The following PARD6G variants were observed in gnomAD, a reference collection of about 807,000 sequenced individuals.
PARD6G encodes the protein partitioning defective 6 homolog gamma.
Under a neutral mutation model 10.7 loss-of-function variants are expected in PARD6G, and 7 were observed. The ratio of observed to expected loss-of-function variants is 0.66; its 90% CI spans 0.37 to 1.23. The LOEUF is 1.23. Among genes scored for constraint, PARD6G ranks in the 50% most tolerant of loss-of-function variants. The pLI is 0.02. For missense variants in PARD6G, 548 were observed against 571.8 expected (o/e 0.96, Z 0.42); for synonymous variants, 287 against 269.4 (o/e 1.07, Z -0.64).
intron 1 of PARD6G, among the ~76,000 whole-genome samples, chr18:80,213,930 G>C (rs1001832329): frequency 1.6e-5 from 2 of 128,484 alleles, no homozygotes; most frequent in Non-Finnish European, 3.1e-5. Flanking sequence ...TGCACTCCAA[G>C]AGTGAGACTC....
At position 80,159,874 on chromosome 18, in the gene PARD6G, C is replaced by A; in HGVS notation, c.1028G>T (p.Gly343Val). 5 of 1,509,678 alleles carry A rather than the reference C, an allele frequency of 3.3e-6. No homozygotes were observed. Among genetic ancestry groups the A allele is most frequent in the Non-Finnish European group, 4.4e-6 (5 of 1,135,084 alleles). The allele number at this position is 1,509,678 out of a possible 1,614,324, so 93.5% of individuals were successfully genotyped here. A position where few individuals can be genotyped will look rare whatever the true frequency, so the allele number is the denominator to read the frequency against. ...QRLQRDLALDGGLQRLLSSLR... is the reference protein window; with the variant it reads ...QRLQRDLALDVGLQRLLSSLR... ...GGAGCTGAGCAGCCGCTGGAGGCCGCCGTCCAGGGCCAGGTCCCGCTGCAG... is the reference window on the plus strand; with the variant it reads ...GGAGCTGAGCAGCCGCTGGAGGCCGACGTCCAGGGCCAGGTCCCGCTGCAG... The change falls in exon 3 of 3, where the codon GGC becomes GTC. Residue 343 changes from glycine (G) to valine (V), a missense_variant. This residue lies in a region of PARD6G where 313 missense variants were observed against 279.9 expected (regional missense o/e 1.12). Coordinates refer to ENST00000353265, the MANE Select transcript of PARD6G (RefSeq NM_032510.4).
At chr18:80,240,453 T>G (rs1967477244) in intron 1 of PARD6G, among the ~76,000 whole-genome samples, 1 of 152,180 alleles carries the variant, frequency 6.6e-6, no homozygotes, top group African/African-American at 2.4e-5. Context: ...ACACTGATTG[T>G]GTCCCTAATA....
intron 1 of PARD6G, among the ~76,000 whole-genome samples, chr18:80,229,306 A>T (rs2145300467): frequency 6.6e-6 from 1 of 152,370 alleles, no homozygotes; most frequent in African/African-American, 2.4e-5. Flanking sequence ...TTAAAAACAC[A>T]CACACAAAAA....
chr18:80,223,042 G>A (rs991827106), intron 1 of PARD6G, among the ~76,000 whole-genome samples: 2 of 152,122 alleles, frequency 1.3e-5, no homozygotes, highest in African/African-American at 4.8e-5. Flanking sequence ...TTCAACAAAT[G>A]GTGCTGGGAC....
In PARD6G at chr18:80,182,748, C is replaced by G. The variant is rs2052854427; in HGVS notation, c.295+19962G>C. On this transcript the variant is annotated intron_variant, in intron 2 of 2. Transcript: ENST00000353265. This position sits in a 1 kb window ranked among gnomAD's most constrained non-coding sequence, Gnocchi z 4.5. The stretch of plus-strand genomic sequence containing the variant: ...CCCAAATCCACCTGCACCATTGATT[C>G]TCTCGTGTCAGGTGCATCCACGGGG... The G allele has an allele frequency of 5.2e-6, 1 of 193,306 alleles. No homozygotes were observed. The highest frequency in any genetic ancestry group is 2.3e-5 in the African/African-American group (1 of 43,002). 12.0% of individuals were successfully genotyped at this position (193,306 alleles called of 1,614,324 possible).
chr18:80,160,446 G>T lies in PARD6G; in HGVS notation c.456C>A (p.Val152=). The change falls in exon 3 of 3, where the codon GTC becomes GTA. Residue 152 remains valine, a synonymous_variant. Coordinates refer to ENST00000353265, the MANE Select transcript of PARD6G (RefSeq NM_032510.4). The part of the protein sequence containing the change: ...PVSSIIDVDL[V]PETHRRVRLH... ...GCCGCACTCGCCGGTGCGTCTCGGGGACCAGGTCCACATCGATGATGGATG... is the reference window on the plus strand; with the variant it reads ...GCCGCACTCGCCGGTGCGTCTCGGGTACCAGGTCCACATCGATGATGGATG... 1.9e-6 allele frequency: 3 copies of T among 1,580,826 alleles called. No homozygotes were observed. Among genetic ancestry groups the T allele is most frequent in the Non-Finnish European group, 1.7e-6 (2 of 1,163,372 alleles).
intron 1 of PARD6G, among the ~76,000 whole-genome samples, chr18:80,221,058 A>T (rs938509665): frequency 6.6e-6 from 1 of 152,146 alleles, no homozygotes; most frequent in Admixed American, 6.5e-5. Flanking sequence ...AAGATATTGA[A>T]TTATCTCTTG....
intron 2 of PARD6G, among the ~76,000 whole-genome samples, chr18:80,165,526 T>C (rs1207889343): frequency 6.7e-6 from 1 of 150,290 alleles, no homozygotes; most frequent in Non-Finnish European, 1.5e-5. Context: ...AGGTGACGTA[T>C]ATCCTCAGCT....
chr18:80,228,431 C>T lies in PARD6G; in HGVS notation c.72+18846G>A, dbSNP rs1031332340. Among the ~76,000 whole-genome samples the T allele has an allele frequency of 2.0e-5, 3 of 152,146 alleles. No homozygotes were observed. Among genetic ancestry groups the T allele is most frequent in the African/African-American group, 4.8e-5 (2 of 41,416 alleles). ...CCTCAATCAGCTCTGCTGGGTGAGTCGCAGGCACCAAGTGCCCCTACAGCT... is the reference window on the plus strand; with the variant it reads ...CCTCAATCAGCTCTGCTGGGTGAGTTGCAGGCACCAAGTGCCCCTACAGCT... On this transcript the variant is annotated intron_variant, in intron 1 of 2. Transcript: ENST00000353265. The surrounding 1 kb of genome is among the most constrained non-coding windows in gnomAD (Gnocchi z 4.6).
intron 1 of PARD6G, among the ~76,000 whole-genome samples, chr18:80,209,506 T>C (rs1967086273): frequency 6.6e-6 from 1 of 152,180 alleles, no homozygotes; most frequent in African/African-American, 2.4e-5. Context: ...CCAAGATCAA[T>C]AAGCAAAAGC....
rs538368479 is a variant in PARD6G, at chr18:80,219,270, G to A, written c.73-16338C>T. Among the ~76,000 whole-genome samples, 438 of 152,276 alleles carry A rather than the reference G, an allele frequency of 2.9e-3. 5 individuals carry two copies. Among genetic ancestry groups the A allele is most frequent in the African/African-American group, 0.01 (417 of 41,560 alleles). ...TTGTCCCAGACTGGAGTGCAGTGAC[G>A]TGATCTCAGCTCACTGCAACCTCTG... On this transcript the variant is annotated intron_variant, in intron 1 of 2. Coordinates refer to ENST00000353265, the MANE Select transcript of PARD6G (RefSeq NM_032510.4).
intron 1 of PARD6G, among the ~76,000 whole-genome samples, chr18:80,242,135 G>A (rs1276844138): frequency 1.3e-5 from 2 of 152,210 alleles, no homozygotes; most frequent in Admixed American, 6.5e-5. Context: ...TCCAGGGGCA[G>A]TGACGCCATC....
chr18:80,216,885 G>T (rs956817222), intron 1 of PARD6G, among the ~76,000 whole-genome samples: 1 of 152,044 alleles, frequency 6.6e-6, no homozygotes, highest in African/African-American at 2.4e-5. Flanking sequence ...AAAATAATGA[G>T]AGAAGATTCA....
At position 80,159,515 on chromosome 18, in the gene PARD6G, C is replaced by T. The variant is rs1189806006; in HGVS notation, c.*256G>A. ...TTTTTTGCACTTGGTCAGATCTTTT[C>T]TATCACTTTGCAAAGGCGCCAAGAC... is the stretch of plus-strand genomic sequence containing the variant. On this transcript the variant is annotated 3_prime_UTR_variant, in exon 3 of 3. Transcript: ENST00000353265. 1.2e-5 allele frequency: 5 copies of T among 427,264 alleles called. No individual in the cohort carries two copies. The highest frequency in any genetic ancestry group is 1.0e-4 in the African/African-American group (5 of 48,718). 26.5% of individuals were successfully genotyped at this position (427,264 alleles called of 1,614,324 possible). A position where few individuals can be genotyped will look rare whatever the true frequency, so the allele number is the denominator to read the frequency against.
intron 2 of PARD6G, among the ~76,000 whole-genome samples, chr18:80,164,142 G>C (rs568744511): frequency 9.8e-5 from 15 of 152,308 alleles, no homozygotes; most frequent in African/African-American, 2.4e-4. Context: ...CCCACACACA[G>C]AGCCTGGACC....
At chr18:80,204,081 A>T (rs1167285391) in intron 1 of PARD6G, among the ~76,000 whole-genome samples, 1 of 152,152 alleles carries the variant, frequency 6.6e-6, no homozygotes, top group Non-Finnish European at 1.5e-5. Flanking sequence ...AGAGGACCCC[A>T]GGGGGACATG....
chr18:80,178,590 C>A (rs1047198948), intron 2 of PARD6G, among the ~76,000 whole-genome samples: 1 of 152,234 alleles, frequency 6.6e-6, no homozygotes, highest in African/African-American at 2.4e-5. Flanking sequence ...GGCCTCCGAC[C>A]ATGGCACTTT....
At chr18:80,190,193 G>A (rs1022850046) in intron 2 of PARD6G, among the ~76,000 whole-genome samples, 7 of 151,958 alleles carry the variant, frequency 4.6e-5, no homozygotes, top group Non-Finnish European at 1.0e-4. Flanking sequence ...GCTTAATATC[G>A]TCAAGAGCCT....
Position 80,201,459 on chromosome 18 carries a change from A to G in PARD6G, c.295+1251T>C, listed in dbSNP as rs557720660. ...TCCTTGCCCCCAGCAACCCCGAAGG[A>G]CTGATGTGGAAGCTGAAGCTCAGCC... is the stretch of plus-strand genomic sequence containing the variant. On this transcript the variant is annotated intron_variant, in intron 2 of 2. Coordinates refer to ENST00000353265, the MANE Select transcript of PARD6G (RefSeq NM_032510.4). This position sits in a 1 kb window ranked among gnomAD's most constrained non-coding sequence, Gnocchi z 5.9. Among the ~76,000 whole-genome samples, 1 of 152,290 alleles carries G rather than the reference A, an allele frequency of 6.6e-6. No homozygotes were observed. Among genetic ancestry groups the G allele is most frequent in the East Asian group, 1.9e-4 (1 of 5,176 alleles).
Sources: gnomAD v4.1 joint callset for allele counts (sites outside exome capture counted in the v4.1 genomes callset) on GRCh38, gnomAD v4.1.1 for gene constraint, gnomAD v4.1.1 regional missense constraint, Gnocchi (gnomAD v3.1) non-coding constraint, MANE v1.5 for transcripts, NCBI Gene and HGNC (gene_info 2026-07-23, HGNC 2026-07-21) for gene names.